The following PCDHA2 variants were observed in gnomAD, a reference collection of about 807,000 sequenced individuals.
PCDHA2 encodes the protein protocadherin alpha-2.
In PCDHA2, 58 loss-of-function variants were observed where a neutral mutation model predicts 66.0. The ratio of observed to expected loss-of-function variants is 0.88; its 90% CI spans 0.71 to 1.09. The LOEUF (loss-of-function observed/expected upper bound fraction) is 1.09. Ranked by LOEUF, PCDHA2 falls within the 50% of genes least tolerant of loss-of-function variation. The pLI is 0.00. For missense variants in PCDHA2, 1,267 were observed against 1,242.3 expected, an observed-to-expected ratio of 1.02 and a Z score of -0.30; for synonymous variants, 634 against 554.0, an observed-to-expected ratio of 1.14 and a Z score of -2.03.
intron 1 of PCDHA2, among the ~76,000 whole-genome samples, chr5:140,939,846 T>G (rs2092473465): frequency 6.6e-6 from 1 of 152,222 alleles, no homozygotes; most frequent in Non-Finnish European, 1.5e-5. Flanking sequence ...GTTGTTGTGT[T>G]CTGTATATGT....
At chr5:140,849,200 C>G (rs2150432715) in intron 1 of PCDHA2, 2 of 1,040,964 alleles carry the variant, frequency 1.9e-6, no homozygotes, top group Non-Finnish European at 2.7e-6. Flanking sequence ...TACTGGACAA[C>G]AATGACAATG....
chr5:140,860,479 C>T (rs1348082358), intron 1 of PCDHA2: 1 of 152,030 alleles, frequency 6.6e-6, no homozygotes, highest in Non-Finnish European at 1.5e-5. Context: ...TGCAGTAGTA[C>T]TTTATTTAGG....
intron 1 of PCDHA2, chr5:140,841,663 G>A: frequency 2.5e-6 from 4 of 1,614,102 alleles, no homozygotes; most frequent in Non-Finnish European, 3.4e-6. Flanking sequence ...ACAGGCCGCT[G>A]CAGGTTTTCC....
Position 140,835,426 on chromosome 5 carries a change from C to A in PCDHA2, c.2388+38074C>A, listed in dbSNP as rs1773631354. On this transcript the variant is annotated intron_variant, in intron 1 of 3. Transcript: ENST00000526136. ...GTTGTGGATGTAAATGACAATGCTC[C>A]ACAGTTGACTCTCACTTCCCTGTCT... 7 of 1,613,914 alleles carry A rather than the reference C, an allele frequency of 4.3e-6. No individual in the cohort carries two copies. In the East Asian group the frequency reaches 1.6e-4, roughly 36 times the overall value.
intron 1 of PCDHA2, among the ~76,000 whole-genome samples, chr5:140,917,324 CG>C (rs1299895515): frequency 5.3e-5 from 4 of 76,126 alleles, no homozygotes; most frequent in African/African-American, 1.7e-4. Context: ...GTTCATGTGG[CG>C]GGGGAGGGGG....
At chr5:140,799,484 G>T (rs1328038086) in intron 1 of PCDHA2, among the ~76,000 whole-genome samples, 2 of 151,790 alleles carry the variant, frequency 1.3e-5, no homozygotes, top group Non-Finnish European at 2.9e-5. Flanking sequence ...TTATTTCTTA[G>T]GTCCATGCTT....
At chr5:140,988,253 C>A (rs982953260) in intron 3 of PCDHA2, among the ~76,000 whole-genome samples, 1 of 152,188 alleles carries the variant, frequency 6.6e-6, no homozygotes, top group Non-Finnish European at 1.5e-5. Context: ...CAGCTCCCGC[C>A]TGTGAGTATC....
At chr5:140,804,857 G>A (rs13157397) in intron 1 of PCDHA2, 276,737 of 526,272 alleles carry the variant, frequency 0.53, 73,313 homozygotes, top group Middle Eastern at 0.58. Context: ...GGTCTAACAC[G>A]TAAAATAGAT....
At chr5:140,802,658 C>A in intron 1 of PCDHA2, 1 of 1,613,590 alleles carries the variant, frequency 6.2e-7, no homozygotes, top group Non-Finnish European at 8.5e-7. Flanking sequence ...CGCAGGAGAA[C>A]GCCCTGGTGT....
intron 1 of PCDHA2, chr5:140,927,936 A>G: frequency 6.2e-7 from 1 of 1,614,246 alleles, no homozygotes; most frequent in East Asian, 2.2e-5. Context: ...TTTCGAACCC[A>G]GTACCTGAGG....
chr5:140,797,220 G>A lies in PCDHA2; in HGVS notation c.2256G>A (p.Gln752=), dbSNP rs1466884034. 1 of 1,614,214 alleles carries A rather than the reference G, an allele frequency of 6.2e-7. No homozygotes were observed. The highest frequency in any genetic ancestry group is 8.5e-7 in the Non-Finnish European group (1 of 1,180,046). The change falls in exon 1 of 4, where the codon CAG becomes CAA. Residue 752 remains glutamine (Q), a synonymous_variant. Transcript: ENST00000526136. ...SSAVGSWSYS[Q]QRRQRVCSGE... is the part of the protein sequence containing the mutation. The stretch of plus-strand genomic sequence containing the variant: ...CCGTGGGGAGCTGGTCTTACTCGCA[G>A]CAGAGGCGGCAGAGGGTGTGCTCTG...
chr5:140,999,537 C>G, intron 3 of PCDHA2, among the ~76,000 whole-genome samples: 1 of 152,266 alleles, frequency 6.6e-6, no homozygotes, highest in Non-Finnish European at 1.5e-5. Context: ...CTGGATATGA[C>G]AGCCAATGAA....
chr5:140,913,965 A>G (rs1228834396), intron 1 of PCDHA2, among the ~76,000 whole-genome samples: 7 of 152,300 alleles, frequency 4.6e-5, no homozygotes, highest in Admixed American at 2.6e-4. Flanking sequence ...ATTTTTAAAA[A>G]AATATTTTAG....
chr5:140,809,305 G>A (rs782718692), intron 1 of PCDHA2: 4 of 1,614,114 alleles, frequency 2.5e-6, no homozygotes, highest in African/African-American at 1.3e-5. Flanking sequence ...CCATCTGCGC[G>A]GTGTCCAGCC....
chr5:140,857,677 T>C lies in PCDHA2; in HGVS notation c.2388+60325T>C, dbSNP rs377237803. 36 of 1,596,766 alleles carry C rather than the reference T, an allele frequency of 2.3e-5. 2 individuals carry two copies. In the African/African-American group the frequency reaches 4.6e-4, roughly 20 times the overall value. On this transcript the variant is annotated intron_variant, in intron 1 of 3. Transcript: ENST00000526136. ...GCGCGCGCGATGGGGGCGTGCCGCC[T>C]CTGGGCAGCAACTTGACGCTGCAGG...
chr5:140,929,232 G>A lies in PCDHA2; in HGVS notation c.2389-49717G>A, dbSNP rs782109734. On this transcript the variant is annotated intron_variant, in intron 1 of 3. Coordinates refer to ENST00000526136, the MANE Select transcript of PCDHA2 (RefSeq NM_018905.3). ...GTGGGGAGTACAATGCTGCCGACCTGCGAAATCTTGCCACTGGGGTAGGAC... is the reference window on the plus strand; with the variant it reads ...GTGGGGAGTACAATGCTGCCGACCTACGAAATCTTGCCACTGGGGTAGGAC... 2.5e-6 allele frequency: 4 copies of A among 1,613,756 alleles called. No individual in the cohort carries two copies. In the Admixed American group the frequency reaches 5.0e-5, roughly 20 times the overall value.
intron 1 of PCDHA2, among the ~76,000 whole-genome samples, chr5:140,937,353 T>C (rs2091494629): frequency 6.6e-6 from 1 of 152,146 alleles, no homozygotes; most frequent in Admixed American, 6.5e-5. Context: ...ATTTATTTTA[T>C]TATTTTATCT....
At chr5:140,869,471 T>A in intron 1 of PCDHA2, 1 of 1,613,696 alleles carries the variant, frequency 6.2e-7, no homozygotes, top group East Asian at 2.2e-5. Context: ...AACGTGGAGG[T>A]GAAGGACATT....
chr5:140,898,147 C>G (rs2066556304), intron 1 of PCDHA2, among the ~76,000 whole-genome samples: 1 of 152,150 alleles, frequency 6.6e-6, no homozygotes, highest in Non-Finnish European at 1.5e-5. Context: ...GTTGCCTGTT[C>G]ACGCTGATGG....
Sources: gnomAD v4.1 joint callset for allele counts (sites outside exome capture counted in the v4.1 genomes callset) on GRCh38, gnomAD v4.1.1 for gene constraint, MANE v1.5 for transcripts, NCBI Gene and HGNC (gene_info 2026-07-23, HGNC 2026-07-21) for gene names.